Variants in PCDH15 observed in about 807,000 individuals in gnomAD.
PCDH15 encodes the protein protocadherin related 15, also known as protocadherin-15.
PCDH15 carries 129 observed loss-of-function variants against 178.5 expected under a neutral mutation model. The ratio of observed to expected loss-of-function variants is 0.72; its 90% CI spans 0.63 to 0.84. The LOEUF is 0.84. Among genes scored for constraint, PCDH15 ranks in the 40% least tolerant of loss-of-function variants. The pLI, the probability that PCDH15 is intolerant of heterozygous loss-of-function variation, is 0.00. For missense variants in PCDH15, 2,230 were observed against 2,099.9 expected, an observed-to-expected ratio of 1.06 and a Z score of -1.21; for synonymous variants, 800 against 732.0, an observed-to-expected ratio of 1.09 and a Z score of -1.50.
At chr10:55,499,439 ACACACACACACAC>A (rs1840606329) in intron 2 of PCDH15, among the ~76,000 whole-genome samples, 3 of 150,274 alleles carry the variant, frequency 2.0e-5, no homozygotes, top group African/African-American at 7.4e-5. Context: ...ACACACACAC[ACACACACACACAC>A]AAATAATGTT....
In PCDH15 at chr10:54,403,274, TG is replaced by T. The variant is rs1266781850; in HGVS notation, c.158-24333del. Among the ~76,000 whole-genome samples the T allele has an allele frequency of 2.0e-5, 3 of 152,136 alleles. No homozygotes were observed. In the East Asian group the frequency reaches 5.8e-4, roughly 30 times the overall value. The stretch of plus-strand genomic sequence containing the variant: ...AGAAGAAAAATTGGAATCTTGTAGA[TG>T]TTGGTTCATAAGGCTTAAGGAAATA... On this transcript the variant is annotated intron_variant, in intron 3 of 37. Coordinates refer to ENST00000644397, the MANE Select transcript of PCDH15 (RefSeq NM_001384140.1).
chr10:54,484,429 A>T (rs529935326), intron 3 of PCDH15, among the ~76,000 whole-genome samples: 59 of 151,964 alleles, frequency 3.9e-4, no homozygotes, highest in Non-Finnish European at 8.1e-4. Flanking sequence ...TTGCCTGGGT[A>T]GAGGCACCAG....
At chr10:55,077,455 C>A (rs924915793) in intron 2 of PCDH15, among the ~76,000 whole-genome samples, 1 of 132,150 alleles carries the variant, frequency 7.6e-6, no homozygotes, top group African/African-American at 3.4e-5. Flanking sequence ...TCCTTCCCTT[C>A]CTTCCTTCCT....
At chr10:54,461,641 T>C (rs1396653135) in intron 3 of PCDH15, among the ~76,000 whole-genome samples, 1 of 152,182 alleles carries the variant, frequency 6.6e-6, no homozygotes, top group African/African-American at 2.4e-5. Flanking sequence ...TGTGTGCAAA[T>C]ATTAAATATT....
intron 3 of PCDH15, among the ~76,000 whole-genome samples, chr10:54,435,310 C>G (rs1163445980): frequency 6.6e-6 from 1 of 152,172 alleles, no homozygotes; most frequent in East Asian, 1.9e-4. Context: ...TTTTCTTTTT[C>G]TTTTACCTAG....
At position 54,777,483 on chromosome 10, in the gene PCDH15, G is replaced by C. The variant is rs1361282741; in HGVS notation, c.-29+23442C>G. On this transcript the variant is annotated intron_variant, in intron 1 of 37. Transcript: ENST00000644397. The stretch of plus-strand genomic sequence containing the variant: ...CAAGAGGATTACCTCATCTGGGTTA[G>C]AGGAGGATTTCAAGGATATGAGGCG... Among the ~76,000 whole-genome samples, 4 of 152,174 alleles carry C rather than the reference G, an allele frequency of 2.6e-5. No individual in the cohort carries two copies. In the South Asian group the frequency reaches 6.2e-4, roughly 24 times the overall value.
At chr10:54,221,548 A>G (rs1279308710) in intron 9 of PCDH15, among the ~76,000 whole-genome samples, 1 of 151,208 alleles carries the variant, frequency 6.6e-6, no homozygotes, top group Admixed American at 6.6e-5. Context: ...AACACTGATC[A>G]CTTTCTGTCT....
chr10:54,945,324 GGATAGATA>G (rs71883309), intron 2 of PCDH15, among the ~76,000 whole-genome samples: 109 of 140,266 alleles, frequency 7.8e-4, no homozygotes, highest in East Asian at 3.5e-3. Flanking sequence ...ATGGATGTAT[GGATAGATA>G]GATAGATAGA....
chr10:55,416,655 C>A (rs1838491425), intron 2 of PCDH15, among the ~76,000 whole-genome samples: 1 of 151,494 alleles, frequency 6.6e-6, no homozygotes, highest in Non-Finnish European at 1.5e-5. Flanking sequence ...AACAGGAGGG[C>A]CTCGTAGAGG....
intron 1 of PCDH15, among the ~76,000 whole-genome samples, chr10:54,792,548 G>A (rs1043405871): frequency 8.6e-5 from 13 of 151,970 alleles, no homozygotes; most frequent in South Asian, 2.1e-4. Flanking sequence ...GTGTGGATGC[G>A]CTTTATCTAA....
intron 2 of PCDH15, among the ~76,000 whole-genome samples, chr10:54,898,181 A>C (rs1954578476): frequency 6.6e-6 from 1 of 152,170 alleles, no homozygotes; most frequent in African/African-American, 2.4e-5. Context: ...CAGAACCATG[A>C]GCCAATTAAA....
chr10:53,822,693 G>C lies in PCDH15; in HGVS notation c.4368-2463C>G. ...TTCTGATTTGAGTTCCACAGTTCTT[G>C]AAACAGTTGGCAAAGTGGAGAATGA... On this transcript the variant is annotated intron_variant, in intron 32 of 37. Transcript: ENST00000644397. 1.2e-6 allele frequency: 2 copies of C among 1,614,096 alleles called. No homozygotes were observed. Among genetic ancestry groups the C allele is most frequent in the African/African-American group, 1.3e-5 (1 of 75,044 alleles).
chr10:55,368,060 T>C (rs74136619), intron 2 of PCDH15, among the ~76,000 whole-genome samples: 321 of 152,226 alleles, frequency 2.1e-3, no homozygotes, highest in African/African-American at 7.5e-3. Flanking sequence ...TTATGACTTA[T>C]AATAGGATGG....
intron 2 of PCDH15, among the ~76,000 whole-genome samples, chr10:55,103,419 C>T (rs1401367835): frequency 6.6e-6 from 1 of 152,120 alleles, no homozygotes; most frequent in Non-Finnish European, 1.5e-5. Context: ...TCTCCAAGAT[C>T]CATATTTTGA....
rs549087363 is a variant in PCDH15, at chr10:54,108,168, A to G, written c.1918-18105T>C. On this transcript the variant is annotated intron_variant, in intron 15 of 37. Transcript: ENST00000644397. Reference sequence around the variant, plus strand: ...AAACAAACAACTTTCATAACAAGAAAATGTCAGGTGAGCACTCACAGTACC... The same window carrying G: ...AAACAAACAACTTTCATAACAAGAAGATGTCAGGTGAGCACTCACAGTACC... Among the ~76,000 whole-genome samples the G allele has an allele frequency of 6.6e-5, 10 of 152,236 alleles. No homozygotes were observed. In the East Asian group the frequency reaches 9.7e-4, roughly 15 times the overall value.
chr10:53,845,064 G>A (rs2077883675), intron 28 of PCDH15, among the ~76,000 whole-genome samples: 1 of 151,890 alleles, frequency 6.6e-6, no homozygotes, highest in South Asian at 2.1e-4. Flanking sequence ...CCAAGGATCT[G>A]AATAGACAAT....
In PCDH15 at chr10:53,877,283, G is replaced by T. The variant is rs146741802; in HGVS notation, c.3502-10426C>A. ...TCAGAGATGCTTTAAAATAAACTCT[G>T]AGCTAATTGTTCTAACTTTTCAACC... is the stretch of plus-strand genomic sequence containing the variant. On this transcript the variant is annotated intron_variant, in intron 26 of 37. Coordinates refer to ENST00000644397, the MANE Select transcript of PCDH15 (RefSeq NM_001384140.1). 2.4e-3 allele frequency among the ~76,000 whole-genome samples: 366 copies of T among 152,068 alleles called. 2 individuals carry two copies. The highest frequency in any genetic ancestry group is 5.8e-3 in the African/African-American group (240 of 41,488).
intron 3 of PCDH15, among the ~76,000 whole-genome samples, chr10:54,852,935 GAT>G (rs947834475): frequency 6.6e-6 from 1 of 150,984 alleles, no homozygotes; most frequent in African/African-American, 2.4e-5. Flanking sequence ...TATACAGACA[GAT>G]ACATAAAAAT....
chr10:54,767,119 A>T (rs565578301), intron 1 of PCDH15, among the ~76,000 whole-genome samples: 1 of 152,266 alleles, frequency 6.6e-6, no homozygotes, highest in African/African-American at 2.4e-5. Flanking sequence ...TAATCTGCAG[A>T]CACCTTTTCA....
Sources: allele counts gnomAD v4.1 joint callset (sites outside exome capture counted in the v4.1 genomes callset), GRCh38; gene constraint gnomAD v4.1.1; transcripts MANE v1.5; gene names NCBI Gene and HGNC (gene_info 2026-07-23, HGNC 2026-07-21).